GTF3C4: variants seen among roughly 807,000 people sequenced by gnomAD.
GTF3C4 encodes the protein general transcription factor 3C polypeptide 4.
In GTF3C4, 28 loss-of-function variants were observed where a neutral mutation model predicts 67.5. The ratio of observed to expected loss-of-function variants is 0.41; its 90% CI spans 0.31 to 0.57. The LOEUF (loss-of-function observed/expected upper bound fraction) is 0.57, where lower values mean the gene tolerates loss of function less well. Ranked by LOEUF, GTF3C4 falls within the 20% of genes least tolerant of loss-of-function variation. The pLI, the probability that GTF3C4 is intolerant of heterozygous loss-of-function variation, is 0.21. For synonymous variants in GTF3C4, 409 were observed against 393.0 expected, an observed-to-expected ratio of 1.04 and a Z score of -0.48; for missense variants, 831 against 1,033.2, an observed-to-expected ratio of 0.80 and a Z score of 2.68.
chr9:132,679,610 C>T lies in GTF3C4; in HGVS notation c.1991C>T (p.Pro664Leu). The T allele has an allele frequency of 6.2e-7, 1 of 1,614,092 alleles. No homozygotes were observed. The highest frequency in any genetic ancestry group is 8.5e-7 in the Non-Finnish European group (1 of 1,180,004). ...PTTGDAGGRE[P>L]MEEKLLEIQG... Reference sequence around the variant, plus strand: ...ACTGGAGATGCTGGAGGCCGTGAGCCAATGGAAGAGAAACTCCTGGAAATC... The same window carrying T: ...ACTGGAGATGCTGGAGGCCGTGAGCTAATGGAAGAGAAACTCCTGGAAATC... The change falls in exon 2 of 5, where the codon CCA (proline) becomes CTA (leucine). Residue 664 changes from proline to leucine, a missense_variant. Pro to Leu is a moderately conservative substitution (Grantham distance 98). Coordinates refer to ENST00000372146, the MANE Select transcript of GTF3C4 (RefSeq NM_012204.4). The surrounding 1 kb of genome is among the most constrained non-coding windows in gnomAD (Gnocchi z 5.9).
intron 4 of GTF3C4, among the ~76,000 whole-genome samples, chr9:132,688,317 G>A (rs752243970): frequency 2.0e-5 from 3 of 152,212 alleles, no homozygotes; most frequent in Non-Finnish European, 2.9e-5. Context: ...TGCTGCTTAG[G>A]CAGGAAATCT....
At chr9:132,682,232 C>T (rs1835956294) in intron 2 of GTF3C4, among the ~76,000 whole-genome samples, 1 of 151,772 alleles carries the variant, frequency 6.6e-6, no homozygotes, top group Non-Finnish European at 1.5e-5. Flanking sequence ...CTGTTAGGGA[C>T]CATATGTTAG....
At chr9:132,680,758 C>CAAT (rs1564356549) in intron 2 of GTF3C4, among the ~76,000 whole-genome samples, 1 of 152,190 alleles carries the variant, frequency 6.6e-6, no homozygotes, top group African/African-American at 2.4e-5. Flanking sequence ...AGAATGTTTG[C>CAAT]AATGGTCTTA....
At position 132,689,952 on chromosome 9, in the gene GTF3C4, C is replaced by T. The variant is rs1836089272; in HGVS notation, c.*1007C>T. The T allele has an allele frequency of 6.6e-6, 1 of 152,234 alleles. No individual in the cohort carries two copies. Among genetic ancestry groups the T allele is most frequent in the African/African-American group, 2.4e-5 (1 of 41,442 alleles). 9.4% of individuals were successfully genotyped at this position (152,234 alleles called of 1,614,324 possible). A position where few individuals can be genotyped will look rare whatever the true frequency, so the allele number is the denominator to read the frequency against. ...AACAGAGCCTGGGAATTTCTTTCCT[C>T]TGCACAGTCCCTTGATATTTGGAAT... On this transcript the variant is annotated 3_prime_UTR_variant, in exon 5 of 5. Coordinates refer to ENST00000372146, the MANE Select transcript of GTF3C4 (RefSeq NM_012204.4).
chr9:132,676,623 G>C (rs936814394), intron 1 of GTF3C4, among the ~76,000 whole-genome samples: 1 of 152,056 alleles, frequency 6.6e-6, no homozygotes, highest in African/African-American at 2.4e-5. Context: ...GCCCAGCCAT[G>C]GGGGATATTT....
chr9:132,688,742 T>C, intron 4 of GTF3C4, 139 bp from the exon 5 acceptor site: 1 of 647,624 alleles, frequency 1.5e-6, no homozygotes, highest in Non-Finnish European at 2.8e-6. Context: ...AGTGAAGTGC[T>C]TTGTCTAGGG....
intron 4 of GTF3C4, among the ~76,000 whole-genome samples, 153 bp downstream of exon 4, chr9:132,687,480 C>T (rs757789565): frequency 2.0e-5 from 3 of 152,008 alleles, no homozygotes; most frequent in African/African-American, 4.8e-5. Context: ...CTGCTCTTTA[C>T]GGTGTTACTG....
intron 1 of GTF3C4, among the ~76,000 whole-genome samples, chr9:132,671,257 A>T (rs1254229859): frequency 1.3e-5 from 2 of 152,108 alleles, no homozygotes; most frequent in Admixed American, 6.5e-5. Context: ...GGGCCCGCAC[A>T]TGGAGCGGGT....
chr9:132,688,923 T>C lies in GTF3C4; in HGVS notation c.2447T>C (p.Phe816Ser), dbSNP rs1836071856. The change falls in exon 5 of 5, where the codon TTC becomes TCC. Residue 816 changes from phenylalanine (F) to serine (S), a missense_variant. This residue lies in a region of GTF3C4 where 129 missense variants were observed against 213.8 expected (regional missense o/e 0.60). Coordinates refer to ENST00000372146, the MANE Select transcript of GTF3C4 (RefSeq NM_012204.4). ...IKRLLQSPCP[F>S]CDSPVF ...AGGTTACTGCAAAGCCCCTGCCCTT[T>C]CTGTGATTCTCCTGTCTTCTAAATA... The C allele has an allele frequency of 6.2e-7, 1 of 1,612,196 alleles. No individual in the cohort carries two copies. Among genetic ancestry groups the C allele is most frequent in the Non-Finnish European group, 8.5e-7 (1 of 1,178,354 alleles).
At chr9:132,674,296 CT>C (rs2130893973) in intron 1 of GTF3C4, among the ~76,000 whole-genome samples, 1 of 152,330 alleles carries the variant, frequency 6.6e-6, no homozygotes, top group South Asian at 2.1e-4. Flanking sequence ...GGGAGCTGGA[CT>C]TTTTAAGTAT....
At chr9:132,686,477 T>C (rs932814770) in intron 3 of GTF3C4, among the ~76,000 whole-genome samples, 2 of 152,136 alleles carry the variant, frequency 1.3e-5, no homozygotes. Flanking sequence ...TTGTGTTTTC[T>C]GCTCCTTAGT....
At chr9:132,671,020 C>G in intron 1 of GTF3C4, 65 bp downstream of exon 1, 1 of 1,116,816 alleles carries the variant, frequency 9.0e-7, no homozygotes. Context: ...CATCATCCGT[C>G]CCAGGGGAAT....
chr9:132,671,297 C>G (rs1162124702), intron 1 of GTF3C4, among the ~76,000 whole-genome samples: 1 of 152,184 alleles, frequency 6.6e-6, no homozygotes, highest in Admixed American at 6.5e-5. Context: ...AGACTCCACC[C>G]CCTGTAGATC....
In GTF3C4 at chr9:132,679,373, A is replaced by G; in HGVS notation, c.1754A>G (p.Tyr585Cys). The G allele has an allele frequency of 6.2e-7, 1 of 1,614,178 alleles. No individual in the cohort carries two copies. The highest frequency in any genetic ancestry group is 8.5e-7 in the Non-Finnish European group (1 of 1,180,024). The change falls in exon 2 of 5, where the codon TAT becomes TGT. Residue 585 changes from tyrosine (Y) to cysteine (C), a missense_variant. Tyr to Cys is a radical substitution (Grantham distance 194). This residue lies in a region of GTF3C4 where 390 missense variants were observed against 540.3 expected (regional missense o/e 0.72). Coordinates refer to ENST00000372146, the MANE Select transcript of GTF3C4 (RefSeq NM_012204.4). The surrounding 1 kb of genome is among the most constrained non-coding windows in gnomAD (Gnocchi z 5.9). Reference sequence around the variant, plus strand: ...AAGCTTTTCCTCCTGAGGATTTTATATCAGTCAATGCAGAAAACCCCTTCA... The same window carrying G: ...AAGCTTTTCCTCCTGAGGATTTTATGTCAGTCAATGCAGAAAACCCCTTCA... ...RFKLFLLRIL[Y>C]QSMQKTPSEA... is the part of the protein sequence containing the mutation.
intron 1 of GTF3C4, among the ~76,000 whole-genome samples, chr9:132,672,232 A>T (rs566825061): frequency 8.5e-5 from 13 of 152,340 alleles, no homozygotes; most frequent in African/African-American, 3.1e-4. Flanking sequence ...CTGTAAAGGA[A>T]TTTAACTGTT....
rs750563855 is a variant in GTF3C4 at position 132,693,261 on chromosome 9, A to G, written c.*4316A>G. ...TTTGACAGACGAGTAGTTATTTGTA[A>G]AGCTGTCCTAGAAAGAGGTTAATTC... On this transcript the variant is annotated 3_prime_UTR_variant, in exon 5 of 5. Coordinates refer to ENST00000372146, the MANE Select transcript of GTF3C4 (RefSeq NM_012204.4). The G allele has an allele frequency of 6.6e-6, 1 of 152,174 alleles. No individual in the cohort carries two copies. The highest frequency in any genetic ancestry group is 1.5e-5 in the Non-Finnish European group (1 of 68,022). 9.4% of individuals were successfully genotyped at this position (152,174 alleles called of 1,614,324 possible). A position where few individuals can be genotyped will look rare whatever the true frequency, so the allele number is the denominator to read the frequency against.
intron 3 of GTF3C4, among the ~76,000 whole-genome samples, chr9:132,686,984 C>T (rs1029902041): frequency 6.6e-6 from 1 of 152,196 alleles, no homozygotes; most frequent in Non-Finnish European, 1.5e-5. Context: ...AGACTAAATT[C>T]TTTTCTGATG....
chr9:132,680,787 G>C (rs1226968881), intron 2 of GTF3C4, among the ~76,000 whole-genome samples: 1 of 152,202 alleles, frequency 6.6e-6, no homozygotes, highest in African/African-American at 2.4e-5. Flanking sequence ...AAGATGCACT[G>C]TTCATGTAAC....
Position 132,671,105 on chromosome 9 carries a change from C to T in GTF3C4, c.357+150C>T, listed in dbSNP as rs530543993. The T allele has an allele frequency of 9.4e-6, 6 of 636,214 alleles. No homozygotes were observed. In the East Asian group the frequency reaches 1.5e-4, roughly 16 times the overall value. The allele number at this position is 636,214 out of a possible 1,614,324, so 39.4% of individuals were successfully genotyped here. On this transcript the variant is annotated intron_variant, in intron 1 of 4. Transcript: ENST00000372146. ...GGATTTATTAAGCAGCCAGGGTTAC[C>T]ACAGCTTAAAAAAAAAAAAAGAAAA...
Sources: gnomAD v4.1 joint callset for allele counts (sites outside exome capture counted in the v4.1 genomes callset) on GRCh38, gnomAD v4.1.1 for gene constraint, gnomAD v4.1.1 regional missense constraint, Gnocchi (gnomAD v3.1) non-coding constraint, MANE v1.5 for transcripts, NCBI Gene and HGNC (gene_info 2026-07-23, HGNC 2026-07-21) for gene names.